Variants in RYR2 observed in about 807,000 individuals in gnomAD.
RYR2 encodes ryanodine receptor 2.
RYR2 carries 227 observed loss-of-function variants against 601.1 expected under a neutral mutation model. The ratio of observed to expected loss-of-function variants is 0.38; its 90% confidence interval spans 0.34 to 0.42. The LOEUF (loss-of-function observed/expected upper bound fraction) is 0.42. Ranked by LOEUF, RYR2 falls within the 10% of genes least tolerant of loss-of-function variation. The pLI is 1.00. For synonymous variants in RYR2, 2,223 were observed against 2,175.1 expected, an observed-to-expected ratio of 1.02 and a Z score of -0.61; for missense variants, 4,646 against 6,156.5, an observed-to-expected ratio of 0.75 and a Z score of 8.21.
At chr1:237,419,796 A>T (rs895033558) in intron 11 of RYR2, among the ~76,000 whole-genome samples, 1 of 152,142 alleles carries the variant, frequency 6.6e-6, no homozygotes, top group Non-Finnish European at 1.5e-5. Flanking sequence ...CTTTGGCTTT[A>T]TTGTAGATAT....
In RYR2 at chr1:237,655,965, C is replaced by T; in HGVS notation, c.8110C>T (p.Gln2704Ter). 6.2e-7 allele frequency: 1 copy of T among 1,613,402 alleles called. No individual in the cohort carries two copies. The highest frequency in any genetic ancestry group is 8.5e-7 in the Non-Finnish European group (1 of 1,179,618). Residue 2704 changes from glutamine to a stop codon, truncating the protein, a stop_gained, in exon 53 of 105, where the codon CAA (glutamine) becomes TAA (stop). Transcript: ENST00000366574. LOFTEE classifies it high-confidence loss of function. ...SMDSEGNFNP[Q>*]PVDTSNITIP... ...GGATTCTGAAGGGAACTTTAACCCACAACCTGTTGATACCTCAAAGTATGG... is the reference window on the plus strand; with the variant it reads ...GGATTCTGAAGGGAACTTTAACCCATAACCTGTTGATACCTCAAAGTATGG...
chr1:237,098,901 T>C (rs147255052), intron 1 of RYR2, among the ~76,000 whole-genome samples: 50 of 152,064 alleles, frequency 3.3e-4, no homozygotes, highest in African/African-American at 1.1e-3. Flanking sequence ...GTGCAAAATA[T>C]TCAGCGAGGA....
At chr1:237,269,459 AG>A (rs1689465965) in intron 1 of RYR2, among the ~76,000 whole-genome samples, 1 of 151,794 alleles carries the variant, frequency 6.6e-6, no homozygotes, top group Admixed American at 6.6e-5. Context: ...AAGGGCTTCT[AG>A]AATATACTTG....
At chr1:237,609,209 C>A (rs1484367842) in intron 35 of RYR2, among the ~76,000 whole-genome samples, 2 of 116,598 alleles carry the variant, frequency 1.7e-5, no homozygotes, top group African/African-American at 5.4e-5. Flanking sequence ...TCTTCCTTGT[C>A]CCCATCCCTT....
chr1:237,590,623 G>T lies in RYR2; in HGVS notation c.3808-17G>T. ...AATGGTGATTGGAATGTGAACTATCGCTTCTTCGTTTGCTAGGTGACCAGA... is the reference window on the plus strand; with the variant it reads ...AATGGTGATTGGAATGTGAACTATCTCTTCTTCGTTTGCTAGGTGACCAGA... On this transcript the variant is annotated splice_polypyrimidine_tract_variant and intron_variant, in intron 30 of 104. Coordinates refer to ENST00000366574, the MANE Select transcript of RYR2 (RefSeq NM_001035.3). 6.7e-7 allele frequency: 1 copy of T among 1,491,784 alleles called. No individual in the cohort carries two copies. The highest frequency in any genetic ancestry group is 8.9e-7 in the Non-Finnish European group (1 of 1,119,054). The allele number at this position is 1,491,784 out of a possible 1,614,324, so 92.4% of individuals were successfully genotyped here.
In RYR2 at chr1:237,820,997, C is replaced by T. The variant is rs546801223; in HGVS notation, c.14590+1805C>T. On this transcript the variant is annotated intron_variant, in intron 101 of 104. Transcript: ENST00000366574. ...GATTCCTCCTCTCTGGGCAGGGCAT[C>T]TCTGGAAAAAAAAGGCAGCAATCCT... Among the ~76,000 whole-genome samples the T allele has an allele frequency of 3.3e-5, 5 of 152,082 alleles. No individual in the cohort carries two copies. The South Asian group carries it at 1.0e-3, about 32-fold the overall frequency.
intron 14 of RYR2, among the ~76,000 whole-genome samples, chr1:237,453,696 T>C (rs1231648406): frequency 6.6e-6 from 1 of 152,142 alleles, no homozygotes; most frequent in East Asian, 1.9e-4. Context: ...TCTGTAGACA[T>C]GTTATAAAGT....
chr1:237,419,308 A>G (rs1243962539), intron 11 of RYR2, among the ~76,000 whole-genome samples: 1 of 152,088 alleles, frequency 6.6e-6, no homozygotes, highest in East Asian at 1.9e-4. Context: ...GGTTAAAAAA[A>G]AAACATGAAA....
intron 1 of RYR2, among the ~76,000 whole-genome samples, chr1:237,073,699 G>A (rs773311004): frequency 7.2e-5 from 11 of 152,060 alleles, no homozygotes; most frequent in South Asian, 2.1e-4. Context: ...GCAAAACCCC[G>A]TCTTCACTAA....
chr1:237,466,075 A>G (rs116668959), intron 16 of RYR2, among the ~76,000 whole-genome samples: 277 of 152,274 alleles, frequency 1.8e-3, no homozygotes, highest in Non-Finnish European at 2.8e-3. Flanking sequence ...TTAGTGAAAA[A>G]ATACATATCT....
At chr1:237,428,974 T>C (rs1305592540) in intron 12 of RYR2, among the ~76,000 whole-genome samples, 2 of 151,924 alleles carry the variant, frequency 1.3e-5, no homozygotes, top group Non-Finnish European at 2.9e-5. Context: ...CTTTATGGTG[T>C]GTGGAGAGCT....
intron 1 of RYR2, among the ~76,000 whole-genome samples, chr1:237,094,781 C>T (rs765471061): frequency 1.3e-5 from 2 of 152,104 alleles, no homozygotes; most frequent in Non-Finnish European, 2.9e-5. Flanking sequence ...TCGGTAGAGA[C>T]GGGGTTTCAC....
chr1:237,274,036 TATA>T (rs10594695), intron 2 of RYR2, among the ~76,000 whole-genome samples: 8,568 of 146,500 alleles, frequency 0.058, 871 homozygotes, highest in African/African-American at 0.2. Context: ...TTATATTATA[TATA>T]ATATTTATAA....
chr1:237,213,277 A>G (rs1350028473), intron 1 of RYR2, among the ~76,000 whole-genome samples: 1 of 151,954 alleles, frequency 6.6e-6, no homozygotes, highest in African/African-American at 2.4e-5. Context: ...TCCTGGGCTC[A>G]AGTGATCCTC....
intron 1 of RYR2, among the ~76,000 whole-genome samples, chr1:237,235,277 T>C (rs1685446682): frequency 6.6e-6 from 1 of 152,220 alleles, no homozygotes; most frequent in Admixed American, 6.5e-5. Flanking sequence ...CTTTCCCAAG[T>C]TGCTCTCTCC....
rs560167982 is a variant in RYR2 at position 237,229,971 on chromosome 1, C to T, written c.49-40526C>T. The stretch of plus-strand genomic sequence containing the variant: ...TATAACGTTAGGCTAAGAAGATAGC[C>T]CCCCCTTTTTTTATATAGAGCTTTG... On this transcript the variant is annotated intron_variant, in intron 1 of 104. Coordinates refer to ENST00000366574, the MANE Select transcript of RYR2 (RefSeq NM_001035.3). 4.7e-4 allele frequency among the ~76,000 whole-genome samples: 72 copies of T among 152,126 alleles called. No homozygotes were observed. In the East Asian group the frequency reaches 0.013, roughly 27 times the overall value.
In RYR2 at chr1:237,049,594, G is replaced by C. The variant is rs1661002017; in HGVS notation, c.48+7025G>C. Among the ~76,000 whole-genome samples the C allele has an allele frequency of 2.0e-5, 3 of 152,168 alleles. No individual in the cohort carries two copies. In the South Asian group the frequency reaches 6.2e-4, roughly 32 times the overall value. ...TCTCACCCTGGGACTGGAAAGAAAAGCTTTGAATGATCCTGGGGTCCCTGG... is the reference window on the plus strand; with the variant it reads ...TCTCACCCTGGGACTGGAAAGAAAACCTTTGAATGATCCTGGGGTCCCTGG... On this transcript the variant is annotated intron_variant, in intron 1 of 104. Transcript: ENST00000366574.
rs548415550 is a variant in RYR2 at position 237,447,823 on chromosome 1, TCCTCCCTCCCTCCCTCTTTCC to T, written c.1292+2321_1292+2341del. Among the ~76,000 whole-genome samples, 238 of 148,960 alleles carry T rather than the reference TCCTCCCTCCCTCCCTCTTTCC, an allele frequency of 1.6e-3. 1 individual carries two copies. The highest frequency in any genetic ancestry group is 0.01 in the Middle Eastern group (3 of 288). On this transcript the variant is annotated intron_variant, in intron 14 of 104. Coordinates refer to ENST00000366574, the MANE Select transcript of RYR2 (RefSeq NM_001035.3). ...TCCCTCCTTCCTTCCTTCCATCCTT[TCCTCCCTCCCTCCCTCTTTCC>T]CCTCCCTCCCTCCCTCTTTTCTTTT...
intron 27 of RYR2, among the ~76,000 whole-genome samples, chr1:237,565,127 C>CTT (rs1671849240): frequency 8.0e-6 from 1 of 124,414 alleles, no homozygotes; most frequent in Non-Finnish European, 1.8e-5. Flanking sequence ...TTCTTTCTTT[C>CTT]TTTCTTTCTT....
Sources: allele counts gnomAD v4.1 joint callset (sites outside exome capture counted in the v4.1 genomes callset), GRCh38; gene constraint gnomAD v4.1.1; transcripts MANE v1.5; gene names NCBI Gene and HGNC (gene_info 2026-07-23, HGNC 2026-07-21).